The following SFXN1 variants were observed in gnomAD, a reference collection of about 807,000 sequenced individuals.
SFXN1 encodes the protein sideroflexin 1.
A neutral mutation model predicts 39.5 loss-of-function variants in SFXN1; 32 were observed. The ratio of observed to expected loss-of-function variants is 0.81; its 90% CI spans 0.61 to 1.09. The LOEUF (loss-of-function observed/expected upper bound fraction) is 1.09. Ranked by LOEUF, SFXN1 falls within the 50% of genes least tolerant of loss-of-function variation. The pLI is 0.00. For synonymous variants in SFXN1, 136 were observed against 146.5 expected (o/e 0.93, Z 0.52); for missense variants, 402 against 407.1 (o/e 0.99, Z 0.11).
intron 1 of SFXN1, among the ~76,000 whole-genome samples, chr5:175,487,366 G>A (rs1205371025): frequency 1.3e-5 from 2 of 152,174 alleles, no homozygotes; most frequent in East Asian, 1.9e-4. Flanking sequence ...GAGGTTTAAC[G>A]TGTTGTTCCT....
intron 5 of SFXN1, 109 bp downstream of exon 5, chr5:175,511,635 G>T: frequency 1.2e-6 from 1 of 862,684 alleles, no homozygotes; most frequent in Non-Finnish European, 1.9e-6. Context: ...TGGCTTTCTT[G>T]TTATAGTGCT....
intron 1 of SFXN1, among the ~76,000 whole-genome samples, chr5:175,489,468 G>A (rs1193409013): frequency 6.6e-6 from 1 of 152,180 alleles, no homozygotes; most frequent in African/African-American, 2.4e-5. Context: ...TCTGAAGAGT[G>A]CTGCTTTTCA....
At chr5:175,518,466 C>T (rs1760780598) in intron 8 of SFXN1, among the ~76,000 whole-genome samples, 1 of 152,076 alleles carries the variant, frequency 6.6e-6, no homozygotes, top group Non-Finnish European at 1.5e-5. Context: ...AGGATACGAC[C>T]CCTGATCTCA....
In SFXN1 at chr5:175,521,967, T is replaced by C; in HGVS notation, c.823T>C (p.Cys275Arg). ...APIQVGLVGFCLVFATPLCCA... is the reference protein window; with the variant it reads ...APIQVGLVGFRLVFATPLCCA... ...CATTCAAGTTGGGTTAGTTGGCTTC[T>C]GGTGAGTAGAAATTACTTTTACATA... The change falls in exon 9 of 11, where the codon TGT becomes CGT. Residue 275 changes from cysteine (C) to arginine (R), a missense_variant and splice_region_variant. Transcript: ENST00000321442. 6.2e-7 allele frequency: 1 copy of C among 1,601,056 alleles called. No homozygotes were observed. The highest frequency in any genetic ancestry group is 8.5e-7 in the Non-Finnish European group (1 of 1,171,102).
At chr5:175,513,739 A>C in intron 7 of SFXN1, 149 bp downstream of exon 7, 1 of 797,800 alleles carries the variant, frequency 1.3e-6, no homozygotes, top group Non-Finnish European at 2.0e-6. Flanking sequence ...TAAATAAAGT[A>C]TGTAGTATGT....
intron 6 of SFXN1, 104 bp from the exon 7 acceptor site, chr5:175,513,359 G>C: frequency 8.9e-7 from 1 of 1,120,152 alleles, no homozygotes; most frequent in African/African-American, 1.6e-5. Flanking sequence ...CACTTGAGTG[G>C]GTATTTGAAT....
chr5:175,510,214 C>G lies in SFXN1; in HGVS notation c.434+7C>G, dbSNP rs1760465498. 6.2e-7 allele frequency: 1 copy of G among 1,602,578 alleles called. No individual in the cohort carries two copies. The highest frequency in any genetic ancestry group is 1.7e-5 in the Admixed American group (1 of 59,198). On this transcript the variant is annotated splice_region_variant and intron_variant, in intron 4 of 10. Transcript: ENST00000321442. ...ACGCACCCCTCACTGTCAAGTAAGGCTACGAGAATTGACCACTCTCTGCAG... is the reference window on the plus strand; with the variant it reads ...ACGCACCCCTCACTGTCAAGTAAGGGTACGAGAATTGACCACTCTCTGCAG...
At chr5:175,485,792 T>C (rs978328898) in intron 1 of SFXN1, among the ~76,000 whole-genome samples, 2 of 152,134 alleles carry the variant, frequency 1.3e-5, no homozygotes, top group Non-Finnish European at 2.9e-5. Context: ...TTAACTGGAG[T>C]GTGCAGATAA....
At chr5:175,512,058 T>G in intron 5 of SFXN1, 53 bp from the exon 6 acceptor site, 1 of 1,482,344 alleles carries the variant, frequency 6.7e-7, no homozygotes, top group South Asian at 1.2e-5. Flanking sequence ...GTTATTTCCA[T>G]TTACTAGTAC....
At chr5:175,521,535 C>T (rs551768151) in intron 8 of SFXN1, among the ~76,000 whole-genome samples, 62 of 152,260 alleles carry the variant, frequency 4.1e-4, no homozygotes, top group Non-Finnish European at 7.5e-4. Flanking sequence ...CTGTGGTTCC[C>T]CACAGTCAGG....
chr5:175,518,435 A>G (rs2113353068), intron 8 of SFXN1, among the ~76,000 whole-genome samples: 1 of 152,286 alleles, frequency 6.6e-6, no homozygotes. Flanking sequence ...GCAATATGGT[A>G]GACACTAGAG....
chr5:175,512,219 G>T, intron 6 of SFXN1, 23 bp downstream of exon 6: 7 of 1,594,686 alleles, frequency 4.4e-6, no homozygotes, highest in Non-Finnish European at 6.0e-6. Flanking sequence ...TGCACTCTTA[G>T]TAGGGACATG....
chr5:175,500,293 A>G (rs1249576106), intron 2 of SFXN1, among the ~76,000 whole-genome samples: 3 of 151,942 alleles, frequency 2.0e-5, no homozygotes, highest in Non-Finnish European at 4.4e-5. Flanking sequence ...TCTAGTAGCA[A>G]TTAACAACTG....
rs888591861 is a variant in SFXN1, at chr5:175,509,091, A to G, written c.224A>G (p.Tyr75Cys). 11 of 1,613,902 alleles carry G rather than the reference A, an allele frequency of 6.8e-6. No individual in the cohort carries two copies. The highest frequency in any genetic ancestry group is 3.3e-5 in the Admixed American group (2 of 59,954). Reference protein sequence around the residue: ...ENELWRAKYIYDSAFHPDTGE... With the variant: ...ENELWRAKYICDSAFHPDTGE... ...GAATTGTGGAGAGCAAAGTACATCT[A>G]TGATTCAGCTTTTCATCCTGACACT... The change falls in exon 3 of 11, where the codon TAT becomes TGT. Residue 75 changes from tyrosine to cysteine, a missense_variant. Coordinates refer to ENST00000321442, the MANE Select transcript of SFXN1 (RefSeq NM_022754.7).
chr5:175,506,380 G>A (rs1760295888), intron 2 of SFXN1, among the ~76,000 whole-genome samples: 1 of 152,126 alleles, frequency 6.6e-6, no homozygotes, highest in South Asian at 2.1e-4. Context: ...GCTGTGGATG[G>A]TAATTTTTTA....
At chr5:175,520,787 GA>G (rs1760856797) in intron 8 of SFXN1, among the ~76,000 whole-genome samples, 1 of 152,154 alleles carries the variant, frequency 6.6e-6, no homozygotes, top group South Asian at 2.1e-4. Context: ...AAGCGCTGGG[GA>G]GTATTTAGCA....
At chr5:175,504,573 CA>C (rs531492337) in intron 2 of SFXN1, among the ~76,000 whole-genome samples, 3,999 of 108,152 alleles carry the variant, frequency 0.037, 126 homozygotes, top group African/African-American at 0.11. Flanking sequence ...GACTCCATCT[CA>C]AAAAAAAAAA....
At chr5:175,526,567 C>G in intron 10 of SFXN1, 71 bp from the exon 11 acceptor site, 1 of 1,270,646 alleles carries the variant, frequency 7.9e-7, no homozygotes, top group Non-Finnish European at 1.1e-6. Flanking sequence ...TGTGCCTTCT[C>G]CCTGCTCTTT....
At chr5:175,488,213 C>G (rs188695866) in intron 1 of SFXN1, among the ~76,000 whole-genome samples, 1 of 152,194 alleles carries the variant, frequency 6.6e-6, no homozygotes, top group Admixed American at 6.5e-5. Flanking sequence ...TGAGCCATTA[C>G]ATCTCTTACC....
Sources: gnomAD v4.1 joint callset for allele counts (sites outside exome capture counted in the v4.1 genomes callset) on GRCh38, gnomAD v4.1.1 for gene constraint, MANE v1.5 for transcripts, NCBI Gene and HGNC (gene_info 2026-07-23, HGNC 2026-07-21) for gene names.